Variants in FBXL17 observed in about 807,000 individuals in gnomAD.
FBXL17 encodes F-box and leucine rich repeat protein 17, also known as F-box/LRR-repeat protein 17.
Under a neutral mutation model 66.2 loss-of-function variants are expected in FBXL17, and 22 were observed. That is an observed-to-expected ratio of 0.33 (90% confidence interval 0.24 to 0.47). The LOEUF is 0.47. FBXL17 is among the 20% of genes least tolerant of loss of function. The pLI is 1.00. For synonymous variants in FBXL17, 474 were observed against 400.5 expected (o/e 1.18, Z -2.19); for missense variants, 878 against 948.2 (o/e 0.93, Z 0.97).
At chr5:107,868,504 G>A (rs1033136943) in intron 8 of FBXL17, among the ~76,000 whole-genome samples, 2 of 152,220 alleles carry the variant, frequency 1.3e-5, no homozygotes, top group Non-Finnish European at 2.9e-5. Context: ...ACGGGCCTTT[G>A]GATAGGCCAT....
At chr5:107,969,463 G>A (rs1167831250) in intron 7 of FBXL17, among the ~76,000 whole-genome samples, 1 of 151,984 alleles carries the variant, frequency 6.6e-6, no homozygotes, top group Non-Finnish European at 1.5e-5. Flanking sequence ...CCCAAATAAA[G>A]ATATCTTTCT....
At chr5:108,295,964 CAA>C (rs60118717) in intron 4 of FBXL17, among the ~76,000 whole-genome samples, 8 of 111,622 alleles carry the variant, frequency 7.2e-5, no homozygotes, top group South Asian at 2.8e-4. Flanking sequence ...TAAACAAAAC[CAA>C]AAAAAAAAAA....
At chr5:108,190,379 G>A (rs1753422737) in intron 5 of FBXL17, among the ~76,000 whole-genome samples, 1 of 152,060 alleles carries the variant, frequency 6.6e-6, no homozygotes, top group South Asian at 2.1e-4. Context: ...GAAATAGAGA[G>A]AGACAGAGAG....
At chr5:108,107,630 G>A (rs990618566) in intron 6 of FBXL17, among the ~76,000 whole-genome samples, 1 of 151,664 alleles carries the variant, frequency 6.6e-6, no homozygotes, top group Admixed American at 6.6e-5. Flanking sequence ...GGCTAACACG[G>A]TGAAACCCCA....
At chr5:108,169,820 A>G (rs778415265) in intron 6 of FBXL17, among the ~76,000 whole-genome samples, 1 of 152,184 alleles carries the variant, frequency 6.6e-6, no homozygotes, top group Non-Finnish European at 1.5e-5. Context: ...TACCTTGAAC[A>G]TAGGCTTATA....
intron 6 of FBXL17, among the ~76,000 whole-genome samples, chr5:108,063,636 CAGTCCTTCATATATACATTCATTA>C (rs1488178208): frequency 6.6e-6 from 1 of 152,130 alleles, no homozygotes; most frequent in Admixed American, 6.5e-5. Context: ...GAAAGGAAGA[CAGTCCTTCATATATACATTCATTA>C]AAATGAGTAA....
At position 108,375,367 on chromosome 5, in the gene FBXL17, G is replaced by GCACACACACA. The variant is rs61340348; in HGVS notation, c.993+5322_993+5331dup. Among the ~76,000 whole-genome samples, 1,211 of 148,824 alleles carry GCACACACACA rather than the reference G, an allele frequency of 8.1e-3. 7 individuals are homozygous for GCACACACACA. Among genetic ancestry groups the GCACACACACA allele is most frequent in the South Asian group, 0.033 (155 of 4,666 alleles). ...CTCAAGCCTGGGTGACAGAGACCCT[G>GCACACACACA]CACACACACACACACACACACACAC... On this transcript the variant is annotated intron_variant, in intron 1 of 8. Coordinates refer to ENST00000542267, the MANE Select transcript of FBXL17 (RefSeq NM_001163315.3).
rs531454888 is a variant in FBXL17, at chr5:108,160,509, T to G, written c.1745+25608A>C. On this transcript the variant is annotated intron_variant, in intron 6 of 8. Coordinates refer to ENST00000542267, the MANE Select transcript of FBXL17 (RefSeq NM_001163315.3). ...TTTGAGAATATAGAGTGAACTGGGTTGGCATTCTACTGGGGCAAAATGAGC... is the reference window on the plus strand; with the variant it reads ...TTTGAGAATATAGAGTGAACTGGGTGGGCATTCTACTGGGGCAAAATGAGC... 2.4e-4 allele frequency among the ~76,000 whole-genome samples: 36 copies of G among 152,306 alleles called. 1 individual carries two copies. The South Asian group carries it at 6.2e-3, about 26-fold the overall frequency.
Position 108,224,130 on chromosome 5 carries a change from G to A in FBXL17, c.1605C>T (p.His535=). 6 of 1,592,370 alleles carry A rather than the reference G, an allele frequency of 3.8e-6. No individual in the cohort carries two copies. The highest frequency in any genetic ancestry group is 5.2e-6 in the Non-Finnish European group (6 of 1,162,250). Reference sequence around the variant, plus strand: ...CAGCCATAGTACCTACCTTGGTTAGGTGAATGACTCCTTTAGAAGTGACTG... The same window carrying A: ...CAGCCATAGTACCTACCTTGGTTAGATGAATGACTCCTTTAGAAGTGACTG... ...GCSVTSKGVI[H]LTKLRNLSSL... Residue 535 remains histidine (H), a synonymous_variant, in exon 5 of 9, where the codon CAC becomes CAT. Transcript: ENST00000542267.
intron 7 of FBXL17, among the ~76,000 whole-genome samples, chr5:107,982,876 G>T (rs1170996484): frequency 4.6e-5 from 7 of 152,114 alleles, no homozygotes; most frequent in African/African-American, 1.4e-4. Context: ...ATGTTTCCTG[G>T]CTCTGACTAC....
chr5:108,300,060 T>C (rs560712239), intron 4 of FBXL17, among the ~76,000 whole-genome samples: 1 of 152,096 alleles, frequency 6.6e-6, no homozygotes, highest in Non-Finnish European at 1.5e-5. Flanking sequence ...TAGATAATCA[T>C]ATATCAGCAG....
chr5:107,935,827 G>T (rs915796940), intron 7 of FBXL17, among the ~76,000 whole-genome samples: 1 of 152,058 alleles, frequency 6.6e-6, no homozygotes. Flanking sequence ...AAGCAATGGA[G>T]GGGAAGCAAA....
intron 7 of FBXL17, among the ~76,000 whole-genome samples, chr5:107,931,806 T>A (rs1750745586): frequency 6.6e-6 from 1 of 152,204 alleles, no homozygotes; most frequent in Non-Finnish European, 1.5e-5. Flanking sequence ...GAAACATAAA[T>A]TCAAGTATTT....
chr5:108,230,143 A>G (rs1054005244), intron 4 of FBXL17, among the ~76,000 whole-genome samples: 3 of 152,220 alleles, frequency 2.0e-5, no homozygotes, highest in Non-Finnish European at 4.4e-5. Flanking sequence ...TAGTAAAACC[A>G]CTATGGAAAA....
intron 4 of FBXL17, among the ~76,000 whole-genome samples, chr5:108,314,746 T>C (rs1580800020): frequency 6.6e-6 from 1 of 151,478 alleles, no homozygotes. Flanking sequence ...AAGAAAGTTA[T>C]TAAAGTCCTA....
intron 6 of FBXL17, among the ~76,000 whole-genome samples, chr5:108,024,645 G>A (rs1322702850): frequency 1.3e-5 from 2 of 152,040 alleles, no homozygotes; most frequent in Non-Finnish European, 2.9e-5. Flanking sequence ...AACAGCTGTT[G>A]AGTACATATA....
intron 6 of FBXL17, among the ~76,000 whole-genome samples, chr5:108,023,508 G>A (rs988003515): frequency 2.0e-5 from 3 of 152,058 alleles, no homozygotes; most frequent in African/African-American, 7.2e-5. Context: ...CTAAAGTCTC[G>A]TAATCCACCT....
chr5:107,936,274 A>G (rs997087828), intron 7 of FBXL17, among the ~76,000 whole-genome samples: 7 of 152,116 alleles, frequency 4.6e-5, no homozygotes, highest in Admixed American at 1.3e-4. Flanking sequence ...CAAAGTTTAT[A>G]TAACTGTTTT....
chr5:108,027,203 A>G (rs1754857953), intron 6 of FBXL17, among the ~76,000 whole-genome samples: 1 of 152,190 alleles, frequency 6.6e-6, no homozygotes, highest in African/African-American at 2.4e-5. Flanking sequence ...ATACTTTAAA[A>G]ATGTATTTTA....
Sources: allele counts gnomAD v4.1 joint callset (sites outside exome capture counted in the v4.1 genomes callset), GRCh38; gene constraint gnomAD v4.1.1; transcripts MANE v1.5; gene names NCBI Gene and HGNC (gene_info 2026-07-23, HGNC 2026-07-21).